SEMA3A: variants seen among roughly 807,000 people sequenced by gnomAD.
SEMA3A encodes the protein semaphorin 3A.
Under a neutral mutation model 97.9 loss-of-function variants are expected in SEMA3A, and 29 were observed. The ratio of observed to expected loss-of-function variants is 0.30; its 90% confidence interval spans 0.22 to 0.40. The LOEUF (loss-of-function observed/expected upper bound fraction) is 0.40, where lower values mean the gene tolerates loss of function less well. Among genes scored for constraint, SEMA3A ranks in the 10% least tolerant of loss-of-function variants. SEMA3A has a pLI of 1.00. For missense variants in SEMA3A, 763 were observed against 951.3 expected (o/e 0.80, Z 2.60); for synonymous variants, 321 against 323.7 (o/e 0.99, Z 0.09).
intron 3 of SEMA3A, among the ~76,000 whole-genome samples, chr7:84,286,291 T>C (rs1294726379): frequency 2.0e-5 from 3 of 152,230 alleles, no homozygotes; most frequent in East Asian, 1.9e-4. Flanking sequence ...TGAGTTCACA[T>C]TGAATTCAGT....
chr7:84,099,449 G>A (rs191347095), intron 4 of SEMA3A, among the ~76,000 whole-genome samples: 6 of 151,978 alleles, frequency 3.9e-5, no homozygotes, highest in Non-Finnish European at 7.4e-5. Context: ...CTTTATTTAC[G>A]AGTAATGGAG....
At chr7:84,288,113 T>G (rs1319223966) in intron 3 of SEMA3A, among the ~76,000 whole-genome samples, 1 of 151,922 alleles carries the variant, frequency 6.6e-6, no homozygotes, top group African/African-American at 2.4e-5. Flanking sequence ...ATAGTTAATC[T>G]TTTTTTTAAT....
chr7:84,106,700 CAA>C (rs1345452253), intron 4 of SEMA3A, among the ~76,000 whole-genome samples: 1 of 152,098 alleles, frequency 6.6e-6, no homozygotes, highest in African/African-American at 2.4e-5. Context: ...TGTTTTCCTT[CAA>C]AGTGATGGGT....
intron 12 of SEMA3A, among the ~76,000 whole-genome samples, chr7:83,990,226 T>A (rs1314366965): frequency 6.6e-6 from 1 of 152,164 alleles, no homozygotes; most frequent in East Asian, 1.9e-4. Context: ...TAGCCCTTTG[T>A]CAGATAAGTA....
chr7:84,010,619 G>T (rs1263951361), intron 9 of SEMA3A, among the ~76,000 whole-genome samples: 1 of 152,066 alleles, frequency 6.6e-6, no homozygotes, highest in Non-Finnish European at 1.5e-5. Context: ...AAGAGACAGA[G>T]AACTTTTTCC....
chr7:84,275,191 T>C (rs1800262514), intron 3 of SEMA3A, among the ~76,000 whole-genome samples: 1 of 152,066 alleles, frequency 6.6e-6, no homozygotes, highest in Non-Finnish European at 1.5e-5. Context: ...GTTTAATCAA[T>C]GCTAGGAAAT....
intron 2 of SEMA3A, among the ~76,000 whole-genome samples, chr7:84,334,095 T>C (rs1183228251): frequency 6.6e-6 from 1 of 152,268 alleles, no homozygotes; most frequent in East Asian, 1.9e-4. Flanking sequence ...TAAAATGCAA[T>C]AAGTCATCAC....
intron 3 of SEMA3A, among the ~76,000 whole-genome samples, chr7:84,273,210 A>G (rs1478953060): frequency 6.6e-6 from 1 of 152,122 alleles, no homozygotes. Flanking sequence ...AAATTGTACT[A>G]TACTATCTTT....
intron 2 of SEMA3A, among the ~76,000 whole-genome samples, chr7:84,358,683 T>G (rs10243977): frequency 0.29 from 43,354 of 151,568 alleles, 6,614 homozygotes; most frequent in African/African-American, 0.38. Context: ...GGAAGTCATT[T>G]GTAGCTTGAT....
At chr7:84,062,891 G>C (rs1009709309) in intron 4 of SEMA3A, among the ~76,000 whole-genome samples, 1 of 151,950 alleles carries the variant, frequency 6.6e-6, no homozygotes, top group East Asian at 1.9e-4. Context: ...AAGCAGCCTG[G>C]AAGCTCCAAC....
chr7:84,362,798 T>G (rs1043536879), intron 2 of SEMA3A, among the ~76,000 whole-genome samples: 2 of 151,950 alleles, frequency 1.3e-5, no homozygotes, highest in Non-Finnish European at 2.9e-5. Flanking sequence ...GATAAAAATG[T>G]AATTCAAATA....
At chr7:84,164,407 G>C (rs1278672352) in intron 1 of SEMA3A, among the ~76,000 whole-genome samples, 1 of 152,060 alleles carries the variant, frequency 6.6e-6, no homozygotes, top group Non-Finnish European at 1.5e-5. Flanking sequence ...ATACTACTCA[G>C]TGGCTGAGTA....
chr7:84,051,704 C>A (rs1486133448), intron 5 of SEMA3A, among the ~76,000 whole-genome samples: 9 of 152,098 alleles, frequency 5.9e-5, no homozygotes, highest in African/African-American at 2.2e-4. Context: ...CCCTTTATTT[C>A]TTTCTCCTGC....
intron 1 of SEMA3A, among the ~76,000 whole-genome samples, chr7:84,393,712 G>C (rs1179633580): frequency 1.3e-5 from 2 of 152,082 alleles, no homozygotes; most frequent in Admixed American, 1.3e-4. Flanking sequence ...ATGCTATTTA[G>C]ATAATCTTAG....
chr7:84,099,263 T>G lies in SEMA3A; in HGVS notation c.453+11207A>C, dbSNP rs377294891. On this transcript the variant is annotated intron_variant, in intron 4 of 16. Coordinates refer to ENST00000265362, the MANE Select transcript of SEMA3A (RefSeq NM_006080.3). ...TTTTTTGTATTTTTAGTAGAGACGG[T>G]GTTTCACCGTGTTAGCCAGGATGGT... Among the ~76,000 whole-genome samples, 461 of 64,024 alleles carry G rather than the reference T, an allele frequency of 7.2e-3. 56 individuals carry two copies. Among genetic ancestry groups the G allele is most frequent in the African/African-American group, 0.015 (437 of 29,618 alleles). 42.0% of individuals were successfully genotyped at this position (64,024 alleles called of 152,430 possible). A position where few individuals can be genotyped will look rare whatever the true frequency, so the allele number is the denominator to read the frequency against.
Position 84,464,254 on chromosome 7 carries a change from T to C in SEMA3A, c.-246+28206A>G, listed in dbSNP as rs372320689. Among the ~76,000 whole-genome samples the C allele has an allele frequency of 3.9e-5, 6 of 152,342 alleles. No homozygotes were observed. In the East Asian group the frequency reaches 5.8e-4, roughly 15 times the overall value. ...AGCCTAAGCAATGTTAAAAATGTCA[T>C]GTGCCTGAGGTTGCATCACAAGCGA... On this transcript the variant is annotated intron_variant, in intron 1 of 3. Coordinates refer to the SEMA3A transcript ENST00000424555.
chr7:84,031,078 C>T (rs745356577), intron 6 of SEMA3A, among the ~76,000 whole-genome samples: 5 of 149,118 alleles, frequency 3.4e-5, no homozygotes, highest in East Asian at 2.0e-4. Flanking sequence ...CTACAACCTC[C>T]GCCTCACAGA....
intron 2 of SEMA3A, among the ~76,000 whole-genome samples, chr7:84,368,506 T>C (rs1020701209): frequency 1.3e-5 from 2 of 151,074 alleles, no homozygotes; most frequent in African/African-American, 4.8e-5. Flanking sequence ...TTTGGCTTTA[T>C]AGTTTTATGT....
chr7:84,143,415 C>T (rs1228929834), intron 1 of SEMA3A, among the ~76,000 whole-genome samples: 2 of 152,146 alleles, frequency 1.3e-5, no homozygotes, highest in African/African-American at 4.8e-5. Flanking sequence ...TGAGATCTGG[C>T]ATGTCTCTCC....
Sources: allele counts gnomAD v4.1 joint callset (sites outside exome capture counted in the v4.1 genomes callset), GRCh38; gene constraint gnomAD v4.1.1; transcripts MANE v1.5; gene names NCBI Gene and HGNC (gene_info 2026-07-23, HGNC 2026-07-21).